KRT39: variants seen among roughly 807,000 people sequenced by gnomAD.
KRT39 encodes the protein keratin 39.
A neutral mutation model predicts 54.8 loss-of-function variants in KRT39; 47 were observed. That is an observed-to-expected ratio of 0.86 (90% CI 0.68 to 1.09). The LOEUF is 1.09. Among genes scored for constraint, KRT39 ranks in the 50% least tolerant of loss-of-function variants. The pLI, the probability that KRT39 is intolerant of heterozygous loss-of-function variation, is 0.00. For missense variants in KRT39, 580 were observed against 598.5 expected, an observed-to-expected ratio of 0.97 and a Z score of 0.32; for synonymous variants, 207 against 227.9, an observed-to-expected ratio of 0.91 and a Z score of 0.83.
rs202103752 is a variant in KRT39, at chr17:40,963,784, C to G, written c.552-1G>C. 1.3e-6 allele frequency: 2 copies of G among 1,566,960 alleles called. No individual in the cohort carries two copies. The highest frequency in any genetic ancestry group is 1.7e-6 in the Non-Finnish European group (2 of 1,145,390). ...GCGTAGAGACACCTCAGCTTCGTAT[C>G]TTTAAAAACCAGATGGGAAAAGAGA... On this transcript the variant is annotated splice_acceptor_variant, in intron 2 of 6. Transcript: ENST00000355612. LOFTEE classifies it high-confidence loss of function.
At chr17:40,964,898 T>C (rs1236416706) in intron 1 of KRT39, among the ~76,000 whole-genome samples, 1 of 151,266 alleles carries the variant, frequency 6.6e-6, no homozygotes, top group Non-Finnish European at 1.5e-5. Context: ...CTGTCTCTAC[T>C]AAAAAATACA....
rs572826042 is a variant in KRT39, at chr17:40,963,308, G to A, written c.708+319C>T. Among the ~76,000 whole-genome samples the A allele has an allele frequency of 2.6e-5, 4 of 152,250 alleles. No homozygotes were observed. In the South Asian group the frequency reaches 6.2e-4, roughly 24 times the overall value. ...CCCCATGCTGTTCTTAGGATAGTGAGTGAGTTCTCACAAGATCTGATAGTT... is the reference window on the plus strand; with the variant it reads ...CCCCATGCTGTTCTTAGGATAGTGAATGAGTTCTCACAAGATCTGATAGTT... On this transcript the variant is annotated intron_variant, in intron 3 of 6. Coordinates refer to ENST00000355612, the MANE Select transcript of KRT39 (RefSeq NM_213656.4).
Position 40,966,844 on chromosome 17 carries a change from C to A in KRT39, c.13G>T (p.Gly5Cys), listed in dbSNP as rs776767181. The change falls in exon 1 of 7, where the codon GGC (glycine) becomes TGC (cysteine). Residue 5 changes from glycine to cysteine, a missense_variant. Physicochemically the swap from Gly to Cys is radical, Grantham distance 159. Coordinates refer to ENST00000355612, the MANE Select transcript of KRT39 (RefSeq NM_213656.4). ...GAAGGAGAATTGGTTGTTGTACAGC[C>A]CTTGGTGTCCATAGTATGTGTCTGG... is the stretch of plus-strand genomic sequence containing the variant. MDTKGCTTTNSPSTP... is the reference protein window; with the variant it reads MDTKCCTTTNSPSTP... The A allele has an allele frequency of 6.2e-7, 1 of 1,608,862 alleles. No individual in the cohort carries two copies. The highest frequency in any genetic ancestry group is 8.5e-7 in the Non-Finnish European group (1 of 1,176,728).
Position 40,963,898 on chromosome 17 carries a change from A to G in KRT39, c.552-115T>C, listed in dbSNP as rs1258094917. 5 of 708,376 alleles carry G rather than the reference A, an allele frequency of 7.1e-6. No homozygotes were observed. In the East Asian group the frequency reaches 1.0e-4, roughly 15 times the overall value. 43.9% of individuals were successfully genotyped at this position (708,376 alleles called of 1,614,324 possible). ...GCACCTCACTTAGTGTATTTCTATT[A>G]GAAGTTTTATTCTCTTTGGAGGTGA... On this transcript the variant is annotated intron_variant, in intron 2 of 6. Transcript: ENST00000355612.
In KRT39 at chr17:40,962,401, C is replaced by G; in HGVS notation, c.870+1G>C. On this transcript the variant is annotated splice_donor_variant, in intron 4 of 6. Transcript: ENST00000355612. LOFTEE classifies it high-confidence loss of function. ...GTTTTTGACTTTTCTATATCCCCCA[C>G]CTGCGTGTTGAACCACTGTTCCACA... 2 of 1,614,024 alleles carry G rather than the reference C, an allele frequency of 1.2e-6. No homozygotes were observed. The highest frequency in any genetic ancestry group is 1.7e-6 in the Non-Finnish European group (2 of 1,179,928).
At chr17:40,963,021 T>C in intron 3 of KRT39, among the ~76,000 whole-genome samples, 1 of 152,162 alleles carries the variant, frequency 6.6e-6, no homozygotes, top group Non-Finnish European at 1.5e-5. Context: ...GGGTTCCTTC[T>C]TGTAGAAAAG....
At chr17:40,960,565 G>T in intron 5 of KRT39, 64 bp from the exon 6 acceptor site, 1 of 1,209,514 alleles carries the variant, frequency 8.3e-7, no homozygotes, top group Non-Finnish European at 1.2e-6. Flanking sequence ...CCTGTGACCT[G>T]TATCATTTAA....
chr17:40,966,383 T>A lies in KRT39; in HGVS notation c.468+6A>T, dbSNP rs1567837946. ...ACACGATTAAACAGGTTCTTAGGAATCTTACCTTCTGCTGGAGCTCCTCAA... is the reference window on the plus strand; with the variant it reads ...ACACGATTAAACAGGTTCTTAGGAAACTTACCTTCTGCTGGAGCTCCTCAA... On this transcript the variant is annotated splice_donor_region_variant and intron_variant, in intron 1 of 6. Transcript: ENST00000355612. 4 of 1,584,616 alleles carry A rather than the reference T, an allele frequency of 2.5e-6. No individual in the cohort carries two copies. Among genetic ancestry groups the A allele is most frequent in the South Asian group, 1.1e-5 (1 of 90,268 alleles).
rs756937180 is a variant in KRT39, at chr17:40,966,709, C to G, written c.148G>C (p.Val50Leu). The G allele has an allele frequency of 6.2e-7, 1 of 1,614,194 alleles. No individual in the cohort carries two copies. Among genetic ancestry groups the G allele is most frequent in the Non-Finnish European group, 8.5e-7 (1 of 1,180,048 alleles). ...TVNNCQPAGH[V>L]LRIPWDQGCQ... is the part of the protein sequence containing the mutation. ...CCCTGGTCCCAGGGAATTCTGAGAA[C>G]GTGGCCAGCTGGTTGACAGTTGTTG... The change falls in exon 1 of 7, where the codon GTT (valine) becomes CTT (leucine). Residue 50 changes from valine to leucine, a missense_variant. Transcript: ENST00000355612.
At chr17:40,964,617 C>T in intron 1 of KRT39, 89 bp from the exon 2 acceptor site, 1 of 859,056 alleles carries the variant, frequency 1.2e-6, no homozygotes, top group Non-Finnish European at 2.0e-6. Context: ...TGTCAAGTAA[C>T]AGGGGAAGGC....
chr17:40,962,372 T>C (rs767555189), intron 4 of KRT39, 30 bp downstream of exon 4: 46 of 1,612,868 alleles, frequency 2.9e-5, no homozygotes, highest in Non-Finnish European at 3.7e-5. Context: ...AGCATCAGCT[T>C]ATTGTTTTTG....
chr17:40,963,349 C>T (rs1261290847), intron 3 of KRT39, among the ~76,000 whole-genome samples: 1 of 152,092 alleles, frequency 6.6e-6, no homozygotes, highest in Non-Finnish European at 1.5e-5. Context: ...AAGGGCTCTT[C>T]CCCCTTTGGT....
Position 40,962,278 on chromosome 17 carries a change from GCTC to G in KRT39, c.877_879del (p.Glu293del). 1 of 1,614,182 alleles carries G rather than the reference GCTC, an allele frequency of 6.2e-7. No individual in the cohort carries two copies. On this transcript the variant is annotated inframe_deletion, in exon 5 of 7. Coordinates refer to ENST00000355612, the MANE Select transcript of KRT39 (RefSeq NM_213656.4). ...GAGCTGGTCACCACTTGTTGATTCA[GCTC>G]CTCTATCTGAAACACACAGCCAGAG...
chr17:40,966,336 G>T (rs988436842), intron 1 of KRT39, 53 bp downstream of exon 1: 8 of 1,364,922 alleles, frequency 5.9e-6, no homozygotes, highest in African/African-American at 5.8e-5. Flanking sequence ...AATAACTGTT[G>T]CTTGGAAACC....
chr17:40,962,255 GCTGGTCACCA>G lies in KRT39; in HGVS notation c.893_902del (p.Val298AlafsTer13), dbSNP rs761525885. On this transcript the variant is annotated frameshift_variant, in exon 5 of 7. Transcript: ENST00000355612. LOFTEE classifies it high-confidence loss of function. ...TTTGGCAGCATTGCTGCTGTTGAGAGCTGGTCACCACTTGTTGATTCAGCTCCTCTATCTG... is the reference window on the plus strand; with the variant it reads ...TTTGGCAGCATTGCTGCTGTTGAGAGCTTGTTGATTCAGCTCCTCTATCTG... 1 of 1,614,216 alleles carries G rather than the reference GCTGGTCACCA, an allele frequency of 6.2e-7. No individual in the cohort carries two copies. The highest frequency in any genetic ancestry group is 8.5e-7 in the Non-Finnish European group (1 of 1,180,048).
At position 40,962,548 on chromosome 17, in the gene KRT39, G is replaced by A. The variant is rs751047245; in HGVS notation, c.724C>T (p.Gln242Ter). 1 of 1,612,198 alleles carries A rather than the reference G, an allele frequency of 6.2e-7. No homozygotes were observed. Among genetic ancestry groups the A allele is most frequent in the South Asian group, 1.1e-5 (1 of 90,594 alleles). ...TCAAGTCTCTCCCCAAGCTGACACTGTAAAGAATTGATTTCCTAAGGAAAG... is the reference window on the plus strand; with the variant it reads ...TCAAGTCTCTCCCCAAGCTGACACTATAAAGAATTGATTTCCTAAGGAAAG... ...NNHKEEINSL[Q>*]CQLGERLDIE... Residue 242 changes from glutamine (Q) to a stop codon, truncating the protein, a stop_gained, in exon 4 of 7, where the codon CAG (glutamine) becomes TAG (stop). Coordinates refer to ENST00000355612, the MANE Select transcript of KRT39 (RefSeq NM_213656.4). LOFTEE classifies it high-confidence loss of function.
In KRT39 at chr17:40,958,842, C is replaced by T. The variant is rs186328239; in HGVS notation, c.1235G>A (p.Arg412His). 152 of 1,602,332 alleles carry T rather than the reference C, an allele frequency of 9.5e-5. No homozygotes were observed. In the East Asian group the frequency reaches 2.5e-3, roughly 26 times the overall value. The change falls in exon 7 of 7, where the codon CGT becomes CAT. Residue 412 changes from arginine (R) to histidine (H), a missense_variant. By Grantham distance (29) the Arg-to-His change is conservative. Coordinates refer to ENST00000355612, the MANE Select transcript of KRT39 (RefSeq NM_213656.4). Reference sequence around the variant, plus strand: ...AGGGGAAGGCTCACATTTGGTGGCACGTGGGTAACAGGGACGCCTAAGGAA... The same window carrying T: ...AGGGGAAGGCTCACATTTGGTGGCATGTGGGTAACAGGGACGCCTAAGGAA... ...SSDGKRPCYP[R>H]ATKCEPSPWT...
chr17:40,959,160 T>C (rs1911032877), intron 6 of KRT39, among the ~76,000 whole-genome samples: 1 of 152,254 alleles, frequency 6.6e-6, no homozygotes, highest in South Asian at 2.1e-4. Flanking sequence ...AGACCAGCTC[T>C]GTCCTTTACC....
intron 1 of KRT39, among the ~76,000 whole-genome samples, chr17:40,964,779 C>G (rs1032380981): frequency 1.5e-5 from 2 of 130,616 alleles, no homozygotes; most frequent in African/African-American, 6.7e-5. Flanking sequence ...GTTAAAAAAT[C>G]CAGGCTGAGA....
Sources: gnomAD v4.1 joint callset for allele counts (sites outside exome capture counted in the v4.1 genomes callset) on GRCh38, gnomAD v4.1.1 for gene constraint, MANE v1.5 for transcripts, NCBI Gene and HGNC (gene_info 2026-07-23, HGNC 2026-07-21) for gene names.